TNS1: variants seen among roughly 807,000 people sequenced by gnomAD.
The protein encoded by TNS1 is tensin-1.
Under a neutral mutation model 168.6 loss-of-function variants are expected in TNS1, and 62 were observed. That is an observed-to-expected ratio of 0.37 (90% confidence interval 0.30 to 0.45). TNS1 has a LOEUF of 0.45. TNS1 is among the 20% of genes least tolerant of loss of function. The pLI is 1.00. For missense variants in TNS1, 2,240 were observed against 2,339.4 expected, an observed-to-expected ratio of 0.96 and a Z score of 0.88; for synonymous variants, 934 against 933.2, an observed-to-expected ratio of 1.00 and a Z score of -0.02.
upstream of TNS1, among the ~76,000 whole-genome samples, chr2:218,010,588 G>A (rs918116246): frequency 8.6e-5 from 13 of 151,912 alleles, no homozygotes; most frequent in Admixed American, 8.5e-4. Context: ...TGAGGTTCGG[G>A]GAGCCGCGCG....
intron 18 of TNS1, among the ~76,000 whole-genome samples, chr2:217,856,765 G>A (rs2125503388): frequency 6.6e-6 from 1 of 152,250 alleles, no homozygotes; most frequent in East Asian, 1.9e-4. Flanking sequence ...GAACCCTGTG[G>A]GCAGGGACAG....
At chr2:217,991,494 C>T (rs1958365311) in intron 1 of TNS1, among the ~76,000 whole-genome samples, 1 of 152,102 alleles carries the variant, frequency 6.6e-6, no homozygotes, top group Non-Finnish European at 1.5e-5. Context: ...AAGGTTAATA[C>T]TATTGTGGCT....
In TNS1 at chr2:217,995,239, C is replaced by A. The variant is rs965723869; in HGVS notation, c.34-4183G>T. Among the ~76,000 whole-genome samples, 9 of 152,184 alleles carry A rather than the reference C, an allele frequency of 5.9e-5. No homozygotes were observed. Among genetic ancestry groups the A allele is most frequent in the Non-Finnish European group, 1.0e-4 (7 of 68,032 alleles). On this transcript the variant is annotated intron_variant, in intron 1 of 32. Transcript: ENST00000682258. This position sits in a 1 kb window ranked among gnomAD's most constrained non-coding sequence, Gnocchi z 4.1. ...GTTCCGCTGTGAAACAGGGACACTG[C>A]GCTGGTCTTGTTGAAACAGCTGTCC...
chr2:217,909,571 CCACACACACACACA>C (rs3054350), intron 4 of TNS1, among the ~76,000 whole-genome samples: 1 of 147,194 alleles, frequency 6.8e-6, no homozygotes, highest in African/African-American at 2.5e-5. Context: ...GCCTGGGTGC[CCACACACACACACA>C]CACACACACA....
At chr2:217,973,706 G>A (rs1157316542) in intron 3 of TNS1, among the ~76,000 whole-genome samples, 1 of 152,204 alleles carries the variant, frequency 6.6e-6, no homozygotes, top group East Asian at 1.9e-4. Flanking sequence ...GTTGGGCACC[G>A]TCATGGGGCC....
chr2:217,936,209 C>G (rs1575113048), intron 3 of TNS1, among the ~76,000 whole-genome samples: 3 of 152,186 alleles, frequency 2.0e-5, no homozygotes, highest in Non-Finnish European at 2.9e-5. Context: ...TTCATTCATT[C>G]ATTCAACAAA....
chr2:218,010,500 T>C, upstream of TNS1: 1 of 252,168 alleles, frequency 4.0e-6, no homozygotes. Context: ...GGCTTTCTCC[T>C]CCCCTGGCTG....
At chr2:217,933,962 G>A (rs2125913697) in intron 3 of TNS1, among the ~76,000 whole-genome samples, 1 of 152,250 alleles carries the variant, frequency 6.6e-6, no homozygotes, top group Non-Finnish European at 1.5e-5. Context: ...TTAGGGCTCG[G>A]GACAACCATA....
chr2:217,978,612 C>T, intron 3 of TNS1, 153 bp downstream of exon 3: 1 of 502,240 alleles, frequency 2.0e-6, no homozygotes, highest in Admixed American at 3.6e-5. Context: ...GACCTGCGCC[C>T]GCTCCCAGGC....
chr2:217,930,010 C>G (rs138174448), intron 3 of TNS1, among the ~76,000 whole-genome samples: 196 of 152,328 alleles, frequency 1.3e-3, no homozygotes, highest in African/African-American at 4.5e-3. Flanking sequence ...TCCCAGCTCA[C>G]GGGAGAAAGT....
At chr2:217,944,829 G>T (rs1345348721) in intron 3 of TNS1, among the ~76,000 whole-genome samples, 1 of 152,184 alleles carries the variant, frequency 6.6e-6, no homozygotes, top group East Asian at 1.9e-4. Flanking sequence ...TTTTGTACAT[G>T]CATGAAGTTT....
At chr2:217,808,747 A>C in intron 30 of TNS1, 76 bp from the exon 31 acceptor site, 10 of 1,377,080 alleles carry the variant, frequency 7.3e-6, no homozygotes, top group Non-Finnish European at 1.0e-5. Flanking sequence ...CCAGCAGGTC[A>C]GGCCACCTTT....
At position 218,002,976 on chromosome 2, in the gene TNS1, C is replaced by A; in HGVS notation, c.-104G>T. On this transcript the variant is annotated 5_prime_UTR_variant, in exon 1 of 33. Coordinates refer to ENST00000682258, the MANE Select transcript of TNS1 (RefSeq NM_001387777.1). ...GAAGGGCTCTCTGAGTCCGCGGCTG[C>A]TCCGGCTCCGCCAGCATCTGCTGGG... 2.2e-6 allele frequency: 1 copy of A among 454,330 alleles called. No homozygotes were observed. Among genetic ancestry groups the A allele is most frequent in the Admixed American group, 2.4e-5 (1 of 42,514 alleles). The allele number at this position is 454,330 out of a possible 1,614,324, so 28.1% of individuals were successfully genotyped here. A position where few individuals can be genotyped will look rare whatever the true frequency, so the allele number is the denominator to read the frequency against.
chr2:217,967,641 T>C (rs752512796), intron 3 of TNS1, among the ~76,000 whole-genome samples: 1 of 152,114 alleles, frequency 6.6e-6, no homozygotes, highest in African/African-American at 2.4e-5. Context: ...AATAGACCTA[T>C]AATAAATAAA....
At chr2:217,895,234 G>A (rs746080857) in intron 8 of TNS1, among the ~76,000 whole-genome samples, 178 bp from the exon 9 acceptor site, 18 of 152,292 alleles carry the variant, frequency 1.2e-4, no homozygotes, top group Non-Finnish European at 2.2e-4. Flanking sequence ...CAGGGGCCTG[G>A]CCACGGAACA....
intron 4 of TNS1, among the ~76,000 whole-genome samples, chr2:217,917,703 C>G (rs192663418): frequency 6.6e-6 from 1 of 151,790 alleles, no homozygotes; most frequent in East Asian, 1.9e-4. Flanking sequence ...TGGTGCCGTG[C>G]GCCTGTAGTC....
intron 18 of TNS1, among the ~76,000 whole-genome samples, chr2:217,856,069 T>G (rs763823929): frequency 6.6e-6 from 1 of 152,152 alleles, no homozygotes; most frequent in Non-Finnish European, 1.5e-5. Flanking sequence ...AAAAACCATC[T>G]GTGGATCCCA....
At chr2:217,988,606 CAA>C (rs2126078227) in intron 2 of TNS1, among the ~76,000 whole-genome samples, 1 of 152,290 alleles carries the variant, frequency 6.6e-6, no homozygotes, top group African/African-American at 2.4e-5. Context: ...AAACAAAATG[CAA>C]AACTTCACCT....
rs577075016 is a variant in TNS1 at position 217,848,406 on chromosome 2, C to T, written c.2111G>A (p.Arg704Gln). The T allele has an allele frequency of 3.8e-6, 6 of 1,590,304 alleles. No individual in the cohort carries two copies. The highest frequency in any genetic ancestry group is 1.7e-5 in the Admixed American group (1 of 58,040). ...ACCCTCCTGTGCAGAGTAGGAGGGC[C>T]GCATGGGGGCCGTGTGGCCAGCATG... ...PAHAGHTAPM[R>Q]PSYSAQEGLA... The change falls in exon 19 of 33, where the codon CGG becomes CAG. Residue 704 changes from arginine (R) to glutamine (Q), a missense_variant. Physicochemically the swap from Arg to Gln is conservative, Grantham distance 43 (BLOSUM62 1). Around this residue, in one of 2 missense-constraint regions of TNS1, gnomAD observed 2,131 missense variants for 2,171.2 expected, o/e 0.98. Coordinates refer to ENST00000682258, the MANE Select transcript of TNS1 (RefSeq NM_001387777.1).
Sources: gnomAD v4.1 joint callset for allele counts (sites outside exome capture counted in the v4.1 genomes callset) on GRCh38, gnomAD v4.1.1 for gene constraint, gnomAD v4.1.1 regional missense constraint, Gnocchi (gnomAD v3.1) non-coding constraint, MANE v1.5 for transcripts, NCBI Gene and HGNC (gene_info 2026-07-23, HGNC 2026-07-21) for gene names.